The following PDGFA variants were observed in gnomAD, a reference collection of about 807,000 sequenced individuals.
The protein encoded by PDGFA is platelet derived growth factor subunit A, also known as platelet-derived growth factor subunit A.
A neutral mutation model predicts 25.6 loss-of-function variants in PDGFA; 9 were observed. The observed-to-expected ratio is 0.35, with a 90% confidence interval of 0.21 to 0.61. The LOEUF is 0.61. Ranked by LOEUF, PDGFA falls within the 20% of genes least tolerant of loss-of-function variation. The pLI is 0.75. For synonymous variants in PDGFA, 133 were observed against 111.8 expected (o/e 1.19, Z -1.20); for missense variants, 242 against 272.8 (o/e 0.89, Z 0.79).
At chr7:512,551 C>T in intron 2 of PDGFA, 96 bp from the exon 3 acceptor site, 1 of 1,584,984 alleles carries the variant, frequency 6.3e-7, no homozygotes, top group Non-Finnish European at 8.6e-7. Context: ...CTTTGGGAGC[C>T]ACTGGGGAAC....
chr7:514,460 G>C (rs964848856), intron 2 of PDGFA, among the ~76,000 whole-genome samples: 3 of 152,194 alleles, frequency 2.0e-5, no homozygotes, highest in African/African-American at 7.2e-5. Context: ...GATGCCGAGA[G>C]TGGACCACGC....
chr7:505,947 G>A (rs62433323), intron 4 of PDGFA, among the ~76,000 whole-genome samples: 10,522 of 152,204 alleles, frequency 0.069, 490 homozygotes, highest in Non-Finnish European at 0.11. Context: ...GTCGAGGCGG[G>A]CAGATCACCT....
chr7:512,169 C>A (rs1782881589), intron 3 of PDGFA, among the ~76,000 whole-genome samples, 182 bp downstream of exon 3: 1 of 152,162 alleles, frequency 6.6e-6, no homozygotes, highest in Admixed American at 6.5e-5. Flanking sequence ...TCGGGAGAGG[C>A]CAGAGCCAGA....
At chr7:513,180 G>A (rs1158999002) in intron 2 of PDGFA, 1 of 155,428 alleles carries the variant, frequency 6.4e-6, no homozygotes, top group Admixed American at 6.2e-5. Context: ...GAGGGGTTGA[G>A]AGAAGCTGGC....
chr7:498,504 G>C, exon 6 of PDGFA: 1 of 1,543,912 alleles, frequency 6.5e-7, no homozygotes, highest in Non-Finnish European at 8.9e-7. Flanking sequence ...GTACATAGTA[G>C]GTTCAGGAAT....
intron 5 of PDGFA, 56 bp downstream of exon 5, chr7:501,060 G>A (rs1216084913): frequency 6.2e-7 from 1 of 1,613,726 alleles, no homozygotes; most frequent in Admixed American, 1.7e-5. Context: ...CACCCCAAAA[G>A]CAAGGCTCTG....
chr7:509,753 G>A (rs903716259), intron 4 of PDGFA, among the ~76,000 whole-genome samples: 6 of 152,138 alleles, frequency 3.9e-5, no homozygotes, highest in East Asian at 1.9e-4. Flanking sequence ...GTCTGCCGGC[G>A]CCCTGATCTT....
intron 4 of PDGFA, among the ~76,000 whole-genome samples, chr7:507,889 A>AC (rs934816867): frequency 1.3e-5 from 2 of 151,386 alleles, no homozygotes; most frequent in East Asian, 1.9e-4. Flanking sequence ...TCCTTCCCTG[A>AC]CCCCCCGGCG....
intron 2 of PDGFA, among the ~76,000 whole-genome samples, chr7:513,842 C>T (rs1300948759): frequency 6.6e-6 from 1 of 152,216 alleles, no homozygotes; most frequent in Non-Finnish European, 1.5e-5. Flanking sequence ...AGACGAAGCT[C>T]GCCCGGAGCC....
At chr7:511,232 G>T (rs1782817098) in intron 3 of PDGFA, among the ~76,000 whole-genome samples, 1 of 151,212 alleles carries the variant, frequency 6.6e-6, no homozygotes, top group South Asian at 2.1e-4. Context: ...ACCTGGACAG[G>T]TGGGGCCAGT....
rs1389081229 is a variant in PDGFA at position 500,739 on chromosome 7, A to C, written c.580+377T>G. The C allele has an allele frequency of 2.1e-6, 3 of 1,437,552 alleles. No homozygotes were observed. Among genetic ancestry groups the C allele is most frequent in the Non-Finnish European group, 2.7e-6 (3 of 1,100,698 alleles). The allele number at this position is 1,437,552 out of a possible 1,614,324, so 89.0% of individuals were successfully genotyped here. On this transcript the variant is annotated intron_variant, in intron 5 of 5. Coordinates refer to ENST00000402802, the Ensembl canonical transcript of PDGFA. This position sits in a 1 kb window ranked among gnomAD's most constrained non-coding sequence, Gnocchi z 5.0. ...GGTGAAGGAGAGACCCCAGCCAGCC[A>C]GGGCAACTGCAGTCCTCGAACCTGC...
intron 4 of PDGFA, among the ~76,000 whole-genome samples, chr7:509,963 G>T (rs1049594973): frequency 2.0e-5 from 3 of 152,102 alleles, no homozygotes; most frequent in Non-Finnish European, 2.9e-5. Context: ...CTTCTCCTGG[G>T]CTGCTTTAGG....
At chr7:519,676 T>G (rs1783282571), upstream of PDGFA, among the ~76,000 whole-genome samples, 1 of 143,870 alleles carries the variant, frequency 7.0e-6, no homozygotes, top group Non-Finnish European at 1.5e-5. Flanking sequence ...CCGAGCCGCC[T>G]GGCAGCCACC....
chr7:498,566 A>G, exon 6 of PDGFA: 1 of 1,609,664 alleles, frequency 6.2e-7, no homozygotes, highest in Non-Finnish European at 8.5e-7. Context: ...GCTCATCCTC[A>G]CCTCACATCT....
Position 517,394 on chromosome 7 carries a change from C to T in PDGFA, c.160G>A (p.Gly54Arg). 7.3e-7 allele frequency: 1 copy of T among 1,366,488 alleles called. No individual in the cohort carries two copies. Among genetic ancestry groups the T allele is most frequent in the Non-Finnish European group, 9.6e-7 (1 of 1,040,798 alleles). 84.6% of individuals were successfully genotyped at this position (1,366,488 alleles called of 1,614,324 possible). The stretch of plus-strand genomic sequence containing the variant: ...CGCGGAGGGAAGGGGCGCGATTTAC[C>T]TACGGAGTCTATCTCCAGGAGTCGC... Residue 54 changes from glycine to arginine, a missense_variant and splice_region_variant, in exon 2 of 6, where the codon GGG (glycine) becomes AGG (arginine). Physicochemically the swap from Gly to Arg is moderately radical, Grantham distance 125. Coordinates refer to ENST00000402802, the Ensembl canonical transcript of PDGFA. The surrounding 1 kb of genome is among the most constrained non-coding windows in gnomAD (Gnocchi z 7.4).
intron 4 of PDGFA, 47 bp from the exon 5 acceptor site, chr7:501,289 C>T (rs374703316): frequency 7.5e-5 from 120 of 1,610,106 alleles, no homozygotes; most frequent in Non-Finnish European, 9.2e-5. Flanking sequence ...CATGGAGCTT[C>T]GGACATCACG....
At chr7:507,463 T>C (rs1210283834) in intron 4 of PDGFA, among the ~76,000 whole-genome samples, 1 of 152,044 alleles carries the variant, frequency 6.6e-6, no homozygotes, top group Non-Finnish European at 1.5e-5. Flanking sequence ...GCTGGAAGCC[T>C]CTAGACCCCA....
At chr7:504,266 G>C (rs973378644) in intron 4 of PDGFA, among the ~76,000 whole-genome samples, 1 of 151,962 alleles carries the variant, frequency 6.6e-6, no homozygotes, top group African/African-American at 2.4e-5. Context: ...TGGGTCTAGA[G>C]CCACCCTCCT....
chr7:497,371 A>G (rs1782088043), exon 6 of PDGFA: 1 of 152,148 alleles, frequency 6.6e-6, no homozygotes, highest in Non-Finnish European at 1.5e-5. Flanking sequence ...TCACCTTTAC[A>G]AAAAAACAAA....
Sources: gnomAD v4.1 joint callset for allele counts (sites outside exome capture counted in the v4.1 genomes callset) on GRCh38, gnomAD v4.1.1 for gene constraint, Gnocchi (gnomAD v3.1) non-coding constraint, MANE v1.5 for transcripts, NCBI Gene and HGNC (gene_info 2026-07-23, HGNC 2026-07-21) for gene names.